The following DNAH11 variants were observed in gnomAD, a reference collection of about 807,000 sequenced individuals.
DNAH11 encodes the protein axonemal beta dynein heavy chain 11.
A neutral mutation model predicts 526.0 loss-of-function variants in DNAH11; 442 were observed. The ratio of observed to expected loss-of-function variants is 0.84; its 90% CI spans 0.78 to 0.91. DNAH11 has a LOEUF of 0.91. DNAH11 is among the 40% of genes least tolerant of loss of function. DNAH11 has a pLI of 0.00. For synonymous variants in DNAH11, 2,461 were observed against 1,935.9 expected (o/e 1.27, Z -7.12); for missense variants, 6,989 against 5,448.7 (o/e 1.28, Z -8.90).
At chr7:21,740,496 G>A (rs1229791845) in intron 48 of DNAH11, among the ~76,000 whole-genome samples, 1 of 152,088 alleles carries the variant, frequency 6.6e-6, no homozygotes, top group African/African-American at 2.4e-5. Context: ...TTTGTGGCTG[G>A]CTTATTTCAC....
intron 54 of DNAH11, among the ~76,000 whole-genome samples, chr7:21,759,868 G>A (rs767583468): frequency 2.0e-5 from 3 of 152,064 alleles, no homozygotes; most frequent in Non-Finnish European, 4.4e-5. Context: ...ACACCTGTGT[G>A]GGCAAAAGAA....
chr7:21,755,997 T>G (rs975361332), intron 54 of DNAH11, among the ~76,000 whole-genome samples: 2 of 152,116 alleles, frequency 1.3e-5, no homozygotes, highest in African/African-American at 4.8e-5. Context: ...TTTAGGTGTT[T>G]CCAGTTTTAA....
intron 25 of DNAH11, among the ~76,000 whole-genome samples, chr7:21,634,369 G>T (rs1786759393): frequency 6.6e-6 from 1 of 152,200 alleles, no homozygotes; most frequent in African/African-American, 2.4e-5. Context: ...GAGACAAAAA[G>T]GAGGCAGCAA....
chr7:21,774,768 G>C (rs1275187395), intron 56 of DNAH11, among the ~76,000 whole-genome samples: 1 of 152,186 alleles, frequency 6.6e-6, no homozygotes, highest in African/African-American at 2.4e-5. Context: ...CTGGAAAGAA[G>C]AGATTGGAAT....
chr7:21,651,613 T>A (rs1781775255), intron 28 of DNAH11, among the ~76,000 whole-genome samples: 1 of 152,190 alleles, frequency 6.6e-6, no homozygotes, highest in South Asian at 2.1e-4. Context: ...TAGCTAGTGA[T>A]TAGGTATTTT....
rs1307384309 is a variant in DNAH11, at chr7:21,543,349, T to C, written c.104T>C (p.Leu35Pro). 6.4e-7 allele frequency: 1 copy of C among 1,551,128 alleles called. No homozygotes were observed. The highest frequency in any genetic ancestry group is 8.7e-7 in the Non-Finnish European group (1 of 1,146,798). ...CTGGAGGCAGTGGGCGCTGTGGAGCTCGAGGAGGAGGAGGAGAACGAGGAG... is the reference window on the plus strand; with the variant it reads ...CTGGAGGCAGTGGGCGCTGTGGAGCCCGAGGAGGAGGAGGAGAACGAGGAG... ...AGLEAVGAVE[L>P]EEEEENEEEA... Residue 35 changes from leucine (L) to proline (P), a missense_variant, in exon 1 of 82, where the codon CTC (leucine) becomes CCC (proline). By Grantham distance (98) the Leu-to-Pro change is moderately conservative. Transcript: ENST00000409508.
chr7:21,809,951 T>G (rs1398808325), intron 63 of DNAH11, among the ~76,000 whole-genome samples: 1 of 152,206 alleles, frequency 6.6e-6, no homozygotes, highest in Non-Finnish European at 1.5e-5. Context: ...AAATTAATTA[T>G]GTAAACTTTA....
intron 65 of DNAH11, among the ~76,000 whole-genome samples, chr7:21,825,201 C>T (rs1790227563): frequency 1.3e-5 from 2 of 152,180 alleles, no homozygotes; most frequent in South Asian, 4.1e-4. Context: ...ATATGACTGA[C>T]TATTCCTCAA....
chr7:21,698,809 A>G (rs920459846), intron 36 of DNAH11, among the ~76,000 whole-genome samples: 3 of 152,180 alleles, frequency 2.0e-5, no homozygotes, highest in African/African-American at 7.2e-5. Context: ...TATAATGACT[A>G]CTTTTCCTCT....
In DNAH11 at chr7:21,741,928, G is replaced by C. The variant is rs763451137; in HGVS notation, c.7916G>C (p.Arg2639Thr). The change falls in exon 49 of 82, where the codon AGA becomes ACA. Residue 2639 changes from arginine (R) to threonine (T), a missense_variant and splice_region_variant. Coordinates refer to ENST00000409508, the MANE Select transcript of DNAH11 (RefSeq NM_001277115.2). ...TCTTATATTTGCTTTTCTTTTCAGA[G>C]ACATTTCACAGTGTTTGCATTCAAT... ...GSFTINPRLQ[R>T]HFTVFAFNFP... 2 of 1,613,228 alleles carry C rather than the reference G, an allele frequency of 1.2e-6. No homozygotes were observed. Among genetic ancestry groups the C allele is most frequent in the African/African-American group, 2.7e-5 (2 of 74,896 alleles).
At chr7:21,897,014 G>A (rs1784539727) in intron 79 of DNAH11, among the ~76,000 whole-genome samples, 1 of 152,162 alleles carries the variant, frequency 6.6e-6, no homozygotes, top group African/African-American at 2.4e-5. Flanking sequence ...GGTCAAGGGT[G>A]CAATGAGCCA....
At position 21,559,795 on chromosome 7, in the gene DNAH11, A is replaced by G. The variant is rs564646990; in HGVS notation, c.882+3A>G. ...ATCTGTCATGCATTTATGATCAAGT[A>G]AGTAGATAGCCCTAGAAATTATAAA... On this transcript the variant is annotated splice_donor_region_variant and intron_variant, in intron 4 of 81. Transcript: ENST00000409508. The G allele has an allele frequency of 6.3e-7, 1 of 1,589,532 alleles. No homozygotes were observed.
At chr7:21,706,681 G>T (rs1183842262) in intron 39 of DNAH11, among the ~76,000 whole-genome samples, 1 of 152,072 alleles carries the variant, frequency 6.6e-6, no homozygotes, top group African/African-American at 2.4e-5. Flanking sequence ...GTCTTCACCA[G>T]TTCTGTTCTA....
At chr7:21,576,061 T>C (rs1784084104) in intron 8 of DNAH11, among the ~76,000 whole-genome samples, 1 of 152,218 alleles carries the variant, frequency 6.6e-6, no homozygotes, top group Non-Finnish European at 1.5e-5. Context: ...ACACTGGCCG[T>C]TATACAGTAG....
chr7:21,677,333 A>C lies in DNAH11; in HGVS notation c.5329-4213A>C, dbSNP rs897543692. On this transcript the variant is annotated intron_variant, in intron 30 of 81. Coordinates refer to ENST00000409508, the MANE Select transcript of DNAH11 (RefSeq NM_001277115.2). ...TTGTCACATTTTCATAATTCTTGGA[A>C]TATTTAATTTTTTTATTATTGTATC... Among the ~76,000 whole-genome samples the C allele has an allele frequency of 1.3e-4, 20 of 151,710 alleles. 1 individual carries two copies. The highest frequency in any genetic ancestry group is 1.2e-3 in the Admixed American group (18 of 15,204).
At chr7:21,741,706 A>G (rs1785906436) in intron 48 of DNAH11, among the ~76,000 whole-genome samples, 1 of 152,202 alleles carries the variant, frequency 6.6e-6, no homozygotes, top group Non-Finnish European at 1.5e-5. Context: ...TAACAAAGTA[A>G]GGAGAAATAT....
At chr7:21,697,059 C>T (rs73063729) in intron 35 of DNAH11, among the ~76,000 whole-genome samples, 1 of 152,040 alleles carries the variant, frequency 6.6e-6, no homozygotes. Context: ...TCCAAAGATA[C>T]TTTAAGGTTA....
chr7:21,849,141 TCCCAAAGTGCTGGGATTACGGG>T (rs980948719), intron 66 of DNAH11, among the ~76,000 whole-genome samples: 1 of 152,234 alleles, frequency 6.6e-6, no homozygotes, highest in African/African-American at 2.4e-5. Context: ...TGCCTCGGCC[TCCCAAAGTGCTGGGATTACGGG>T]CATGAGCCAC....
intron 49 of DNAH11, among the ~76,000 whole-genome samples, chr7:21,743,779 C>G (rs1786024891): frequency 6.6e-6 from 1 of 152,196 alleles, no homozygotes; most frequent in Admixed American, 6.5e-5. Context: ...TGCCTGCTCA[C>G]CCTTCATATC....
Sources: allele counts gnomAD v4.1 joint callset (sites outside exome capture counted in the v4.1 genomes callset), GRCh38; gene constraint gnomAD v4.1.1; transcripts MANE v1.5; gene names NCBI Gene and HGNC (gene_info 2026-07-23, HGNC 2026-07-21).